Variants in TUSC3 observed in about 807,000 individuals in gnomAD.
TUSC3 encodes dolichyl-diphosphooligosaccharide--protein glycosyltransferase subunit TUSC3.
A neutral mutation model predicts 44.8 loss-of-function variants in TUSC3; 45 were observed. That is an observed-to-expected ratio of 1.00 (90% confidence interval 0.79 to 1.29). The LOEUF (loss-of-function observed/expected upper bound fraction) is 1.29, where lower values mean the gene tolerates loss of function less well. Ranked by LOEUF, TUSC3 falls within the 50% of genes most tolerant of loss-of-function variation. The pLI, the probability that TUSC3 is intolerant of heterozygous loss-of-function variation, is 0.00. For missense variants in TUSC3, 519 were observed against 437.9 expected, an observed-to-expected ratio of 1.19 and a Z score of -1.65; for synonymous variants, 212 against 152.9, an observed-to-expected ratio of 1.39 and a Z score of -2.85.
intron 2 of TUSC3, among the ~76,000 whole-genome samples, chr8:15,504,254 T>G (rs1200483893): frequency 1.3e-5 from 2 of 151,966 alleles, no homozygotes; most frequent in Non-Finnish European, 2.9e-5. Flanking sequence ...AGTTACAAAA[T>G]AAAGATCGCT....
chr8:15,595,730 A>G (rs772552227), intron 1 of TUSC3, among the ~76,000 whole-genome samples: 13 of 152,174 alleles, frequency 8.5e-5, no homozygotes, highest in South Asian at 2.1e-4. Flanking sequence ...GTGTAATACA[A>G]TGTAGCACTT....
intron 1 of TUSC3, among the ~76,000 whole-genome samples, chr8:15,542,483 A>G (rs956364628): frequency 6.6e-6 from 1 of 151,968 alleles, no homozygotes; most frequent in Non-Finnish European, 1.5e-5. Context: ...GCTTTGGGAT[A>G]TGCCCTCGGT....
chr8:15,598,058 C>G (rs1804141497), intron 1 of TUSC3, among the ~76,000 whole-genome samples: 1 of 151,910 alleles, frequency 6.6e-6, no homozygotes, highest in Non-Finnish European at 1.5e-5. Context: ...TAAATAAATG[C>G]TTTGAGAATC....
the TUSC3 span, among the ~76,000 whole-genome samples, chr8:15,842,427 G>T: frequency 6.6e-6 from 1 of 152,136 alleles, no homozygotes; most frequent in Non-Finnish European, 1.5e-5. Flanking sequence ...ATGTAATAAA[G>T]CCTTGACATG....
intron 1 of TUSC3, among the ~76,000 whole-genome samples, chr8:15,611,106 T>C (rs1804742379): frequency 6.6e-6 from 1 of 152,152 alleles, no homozygotes; most frequent in African/African-American, 2.4e-5. Flanking sequence ...AGAGGTGGAA[T>C]TGGTTTGGGA....
intron 1 of TUSC3, among the ~76,000 whole-genome samples, chr8:15,611,619 T>G (rs962597880): frequency 1.1e-4 from 17 of 152,210 alleles, no homozygotes; most frequent in African/African-American, 3.4e-4. Flanking sequence ...TTATGGCGTG[T>G]GTGCTGTATG....
intron 1 of TUSC3, among the ~76,000 whole-genome samples, chr8:15,463,071 T>C (rs1427595071): frequency 6.6e-6 from 1 of 152,094 alleles, no homozygotes; most frequent in Admixed American, 6.6e-5. Context: ...TACCTTCTCC[T>C]TTTTTTCTTC....
chr8:15,474,709 CTTAAAT>C (rs1034041266), intron 1 of TUSC3, among the ~76,000 whole-genome samples: 19 of 152,182 alleles, frequency 1.2e-4, no homozygotes, highest in African/African-American at 4.6e-4. Flanking sequence ...CTTAAAAAAA[CTTAAAT>C]TTGAATGTCC....
intron 2 of TUSC3, among the ~76,000 whole-genome samples, chr8:15,634,180 G>T (rs1052037896): frequency 6.6e-6 from 1 of 152,206 alleles, no homozygotes; most frequent in African/African-American, 2.4e-5. Flanking sequence ...AGTGTATGTA[G>T]TGCCCCTGTG....
At chr8:15,510,857 T>C (rs1010521698) in intron 2 of TUSC3, among the ~76,000 whole-genome samples, 1 of 152,166 alleles carries the variant, frequency 6.6e-6, no homozygotes, top group Non-Finnish European at 1.5e-5. Flanking sequence ...AATTTAACAG[T>C]GTATGGAATC....
intron 1 of TUSC3, among the ~76,000 whole-genome samples, chr8:15,560,515 G>A (rs1237117773): frequency 6.6e-6 from 1 of 150,656 alleles, no homozygotes; most frequent in Non-Finnish European, 1.5e-5. Flanking sequence ...TATCTTTGTG[G>A]CATTCTCTGT....
chr8:15,827,847 G>C, the TUSC3 span, among the ~76,000 whole-genome samples: 1 of 152,126 alleles, frequency 6.6e-6, no homozygotes, highest in Non-Finnish European at 1.5e-5. Flanking sequence ...AATGTTGAAG[G>C]CTGTTTGGGA....
At chr8:15,638,927 G>C (rs898720484) in intron 2 of TUSC3, among the ~76,000 whole-genome samples, 1 of 152,098 alleles carries the variant, frequency 6.6e-6, no homozygotes, top group Non-Finnish European at 1.5e-5. Context: ...GTTGATGCTA[G>C]ATCACGTGAT....
At chr8:15,418,136 C>G (rs1563245835) in intron 1 of TUSC3, among the ~76,000 whole-genome samples, 1 of 152,160 alleles carries the variant, frequency 6.6e-6, no homozygotes, top group Non-Finnish European at 1.5e-5. Flanking sequence ...AATAAATCAG[C>G]TCATCAACAA....
intron 1 of TUSC3, among the ~76,000 whole-genome samples, chr8:15,570,613 A>C (rs1332196290): frequency 1.3e-5 from 2 of 152,136 alleles, no homozygotes; most frequent in Non-Finnish European, 2.9e-5. Flanking sequence ...CCATTTATTT[A>C]ATATTTGCTA....
At chr8:15,436,893 AT>A (rs1010943388) in intron 1 of TUSC3, among the ~76,000 whole-genome samples, 4 of 152,092 alleles carry the variant, frequency 2.6e-5, no homozygotes, top group African/African-American at 9.7e-5. Context: ...GGCAGTGCAT[AT>A]TTTTTATTGT....
intron 2 of TUSC3, among the ~76,000 whole-genome samples, chr8:15,484,888 C>G (rs536843701): frequency 1.6e-4 from 25 of 152,260 alleles, no homozygotes; most frequent in African/African-American, 4.1e-4. Context: ...TTTTTACATT[C>G]TCATTTAAAA....
At chr8:15,468,351 C>G (rs557455375) in intron 1 of TUSC3, among the ~76,000 whole-genome samples, 1 of 152,256 alleles carries the variant, frequency 6.6e-6, no homozygotes, top group South Asian at 2.1e-4. Context: ...CTACTCCAGT[C>G]CTCTTTGGAC....
At chr8:15,436,234 T>G (rs28534626) in intron 1 of TUSC3, among the ~76,000 whole-genome samples, 1 of 152,068 alleles carries the variant, frequency 6.6e-6, no homozygotes, top group Non-Finnish European at 1.5e-5. Context: ...ATAGAAGTCA[T>G]ACAGTCACAT....
Sources: allele counts gnomAD v4.1 joint callset (sites outside exome capture counted in the v4.1 genomes callset), GRCh38; gene constraint gnomAD v4.1.1; transcripts MANE v1.5; gene names NCBI Gene and HGNC (gene_info 2026-07-23, HGNC 2026-07-21).